Variants in OR56A3 observed in about 807,000 individuals in gnomAD.
OR56A3 encodes the protein olfactory receptor 56A3.
In OR56A3, 23 loss-of-function variants were observed where a neutral mutation model predicts 17.5. The observed-to-expected ratio is 1.32, with a 90% confidence interval of 0.95 to 1.87. The LOEUF is 1.87. OR56A3 is among the 40% of genes most tolerant of loss of function. OR56A3 has a pLI of 0.00. For synonymous variants in OR56A3, 175 were observed against 150.6 expected (o/e 1.16, Z -1.19); for missense variants, 366 against 380.1 (o/e 0.96, Z 0.31).
chr11:5,969,534 T>C, the OR56A3 span, among the ~76,000 whole-genome samples: 1 of 152,322 alleles, frequency 6.6e-6, no homozygotes, highest in South Asian at 2.1e-4. Context: ...GACCTCACAA[T>C]TTGATTCCAT....
chr11:5,967,322 A>C, the OR56A3 span: 1 of 498,548 alleles, frequency 2.0e-6, no homozygotes, highest in Non-Finnish European at 3.5e-6. Context: ...ACATAGATGA[A>C]GTCAAGAAAA....
the OR56A3 span, among the ~76,000 whole-genome samples, chr11:5,980,737 A>T: frequency 6.6e-6 from 1 of 152,142 alleles, no homozygotes; most frequent in Non-Finnish European, 1.5e-5. Context: ...GTTGGCTGTT[A>T]TGTAGACTTG....
At chr11:5,984,110 G>T in the OR56A3 span, among the ~76,000 whole-genome samples, 1 of 152,204 alleles carries the variant, frequency 6.6e-6, no homozygotes, top group Non-Finnish European at 1.5e-5. Context: ...GAGGTGCAAA[G>T]ATTTAGAATT....
chr11:5,989,208 TAGAG>T, the OR56A3 span, among the ~76,000 whole-genome samples: 1 of 152,188 alleles, frequency 6.6e-6, no homozygotes, highest in Non-Finnish European at 1.5e-5. Context: ...ACATTCCACA[TAGAG>T]AGAAAGTCCA....
chr11:5,975,778 G>A, the OR56A3 span, among the ~76,000 whole-genome samples: 21 of 152,024 alleles, frequency 1.4e-4, no homozygotes, highest in Non-Finnish European at 2.5e-4. Context: ...CTGAGGAATC[G>A]CCACACTGAC....
intron 1 of OR56A3, among the ~76,000 whole-genome samples, chr11:5,942,881 A>C (rs912512631): frequency 6.6e-6 from 1 of 152,250 alleles, no homozygotes; most frequent in East Asian, 1.9e-4. Context: ...TTACTTTTTA[A>C]AACAGGGTTT....
the OR56A3 span, chr11:5,985,839 A>T: frequency 9.1e-7 from 1 of 1,097,034 alleles, no homozygotes; most frequent in Non-Finnish European, 1.3e-6. Flanking sequence ...AGGAATACTC[A>T]CTGCAAAATG....
At chr11:5,989,416 G>GTAAA in the OR56A3 span, among the ~76,000 whole-genome samples, 116,170 of 151,556 alleles carry the variant, frequency 0.77, 44,703 homozygotes, top group East Asian at 0.88. Flanking sequence ...AAGTAGAGAA[G>GTAAA]TAAATAAAGT....
At chr11:6,016,727 T>C in the OR56A3 span, among the ~76,000 whole-genome samples, 1 of 150,092 alleles carries the variant, frequency 6.7e-6, no homozygotes, top group African/African-American at 2.5e-5. Flanking sequence ...AGAAGTTCAG[T>C]GAGATACAAG....
chr11:5,953,252 A>G (rs1847917232), downstream of OR56A3, among the ~76,000 whole-genome samples: 1 of 152,154 alleles, frequency 6.6e-6, no homozygotes, highest in South Asian at 2.1e-4. Flanking sequence ...TGGCTGAACT[A>G]ATTTACATTC....
At chr11:5,947,253 A>G in intron 2 of OR56A3, 58 bp from the exon 3 acceptor site, 4 of 1,178,654 alleles carry the variant, frequency 3.4e-6, no homozygotes, top group Non-Finnish European at 4.7e-6. Flanking sequence ...TGACAAACAA[A>G]TTGTGCTATC....
chr11:6,002,651 C>T, the OR56A3 span: 1 of 1,614,216 alleles, frequency 6.2e-7, no homozygotes, highest in Non-Finnish European at 8.5e-7. Flanking sequence ...ACGTGCAGGA[C>T]TCCATGGTCA....
chr11:6,013,335 G>T, the OR56A3 span, among the ~76,000 whole-genome samples: 1 of 152,210 alleles, frequency 6.6e-6, no homozygotes, highest in Non-Finnish European at 1.5e-5. Context: ...ATGGTCAAGG[G>T]CAGCCCAGAA....
the OR56A3 span, chr11:6,002,108 A>G: frequency 2.5e-6 from 4 of 1,612,968 alleles, no homozygotes; most frequent in Admixed American, 3.3e-5. Context: ...TTCTCACACC[A>G]TAAACAATGG....
the OR56A3 span, among the ~76,000 whole-genome samples, chr11:5,960,390 C>T: frequency 6.6e-6 from 1 of 152,170 alleles, no homozygotes; most frequent in Non-Finnish European, 1.5e-5. Flanking sequence ...CTGCCGAGTG[C>T]CTGGGATTGC....
chr11:5,982,136 G>A, the OR56A3 span, among the ~76,000 whole-genome samples: 132 of 152,292 alleles, frequency 8.7e-4, no homozygotes, highest in Admixed American at 2.0e-3. Context: ...TCACTTACAC[G>A]TGTGTTCAGG....
chr11:6,016,767 C>A, the OR56A3 span, among the ~76,000 whole-genome samples: 57 of 148,962 alleles, frequency 3.8e-4, 1 homozygote, highest in South Asian at 1.5e-3. Context: ...CAAAAAAAAA[C>A]CCCAGAAAAT....
At chr11:5,986,234 C>T in the OR56A3 span, 1 of 1,613,608 alleles carries the variant, frequency 6.2e-7, no homozygotes, top group Admixed American at 1.7e-5. Context: ...TAGGAAACAC[C>T]AATGGCCAGA....
chr11:5,987,879 C>T, the OR56A3 span, among the ~76,000 whole-genome samples: 13 of 152,108 alleles, frequency 8.5e-5, no homozygotes, highest in Non-Finnish European at 1.3e-4. Flanking sequence ...ACTCTCAACC[C>T]TGAAGTCATG....
Sources: allele counts gnomAD v4.1 joint callset (sites outside exome capture counted in the v4.1 genomes callset), GRCh38; gene constraint gnomAD v4.1.1; transcripts MANE v1.5; gene names NCBI Gene and HGNC (gene_info 2026-07-23, HGNC 2026-07-21).